The following ACOT11 variants were observed in gnomAD, a reference collection of about 807,000 sequenced individuals.
ACOT11 encodes the protein acyl-CoA thioesterase 11.
ACOT11 carries 69 observed loss-of-function variants against 77.5 expected under a neutral mutation model. That is an observed-to-expected ratio of 0.89 (90% CI 0.73 to 1.09). The LOEUF (loss-of-function observed/expected upper bound fraction) is 1.09. Among genes scored for constraint, ACOT11 ranks in the 50% least tolerant of loss-of-function variants. ACOT11 has a pLI of 0.00. For missense variants in ACOT11, 766 were observed against 813.7 expected, an observed-to-expected ratio of 0.94 and a Z score of 0.71; for synonymous variants, 279 against 313.0, an observed-to-expected ratio of 0.89 and a Z score of 1.15.
intron 1 of ACOT11, among the ~76,000 whole-genome samples, chr1:54,575,890 A>C (rs1436382589): frequency 6.6e-6 from 1 of 152,222 alleles, no homozygotes; most frequent in African/African-American, 2.4e-5. Context: ...AAAGAAAGCC[A>C]GTGTGACTGG....
At chr1:54,603,366 A>G (rs1012375761) in intron 10 of ACOT11, among the ~76,000 whole-genome samples, 10 of 152,204 alleles carry the variant, frequency 6.6e-5, no homozygotes, top group Admixed American at 6.5e-5. Context: ...ATAAATAAAT[A>G]AAAATGAAGC....
chr1:54,559,935 T>C (rs147274009), intron 1 of ACOT11, among the ~76,000 whole-genome samples: 4 of 152,368 alleles, frequency 2.6e-5, no homozygotes, highest in Admixed American at 6.5e-5. Context: ...CTCTGCCTTA[T>C]GCCTGCTCTG....
intron 4 of ACOT11, 120 bp from the exon 5 acceptor site, chr1:54,593,821 G>A: frequency 1.2e-6 from 1 of 800,996 alleles, no homozygotes; most frequent in Admixed American, 2.3e-5. Context: ...CTGGTAGGTG[G>A]TGCAGAAACT....
chr1:54,619,043 C>G (rs1254322782), intron 15 of ACOT11, among the ~76,000 whole-genome samples: 1 of 152,074 alleles, frequency 6.6e-6, no homozygotes, highest in African/African-American at 2.4e-5. Flanking sequence ...GTCATTCTAC[C>G]AGCCCTCAGA....
chr1:54,548,394 G>A (rs778444877), intron 1 of ACOT11, 52 bp downstream of exon 1: 2 of 1,565,174 alleles, frequency 1.3e-6, no homozygotes, highest in African/African-American at 1.3e-5. Flanking sequence ...TGGGCACCCA[G>A]AAAGAGATTG....
chr1:54,601,215 G>T, intron 8 of ACOT11, 54 bp from the exon 9 acceptor site: 1 of 1,579,676 alleles, frequency 6.3e-7, no homozygotes, highest in Non-Finnish European at 8.6e-7. Context: ...TGGGGAGGAG[G>T]CATGGCCCTT....
chr1:54,598,647 G>A (rs773651519), intron 7 of ACOT11: 2 of 152,094 alleles, frequency 1.3e-5, no homozygotes, highest in Non-Finnish European at 2.9e-5. Context: ...TTCAAGACCA[G>A]CCTGGGAACA....
Position 54,620,153 on chromosome 1 carries a change from C to T in ACOT11, c.1630-10581C>T, listed in dbSNP as rs868766563. 44 of 858,660 alleles carry T rather than the reference C, an allele frequency of 5.1e-5. No homozygotes were observed. In the Middle Eastern group the frequency reaches 1.0e-3, roughly 20 times the overall value. 53.2% of individuals were successfully genotyped at this position (858,660 alleles called of 1,614,324 possible). The stretch of plus-strand genomic sequence containing the variant: ...ACGGTGAGGCTCAGACTCACTGGTG[C>T]TACAATAGAGGGAAATGAATGGGCT... On this transcript the variant is annotated intron_variant, in intron 15 of 16. Coordinates refer to the ACOT11 transcript ENST00000371316.
chr1:54,628,236 T>G (rs1644282158), intron 15 of ACOT11: 2 of 134,130 alleles, frequency 1.5e-5, no homozygotes, highest in African/African-American at 2.5e-5. Context: ...AGTGTGTGCC[T>G]CAGGCTGTGT....
At position 54,548,388 on chromosome 1, in the gene ACOT11, C is replaced by T. The variant is rs886504939; in HGVS notation, c.33+46C>T. On this transcript the variant is annotated intron_variant, in intron 1 of 15. Transcript: ENST00000343744. The stretch of plus-strand genomic sequence containing the variant: ...CAGCGGGAGGGCTCTGGAAGCTGGG[C>T]ACCCAGAAAGAGATTGATGTTTCCA... The T allele has an allele frequency of 3.8e-6, 6 of 1,576,544 alleles. No individual in the cohort carries two copies. The Admixed American group carries it at 7.3e-5, about 19-fold the overall frequency.
downstream of ACOT11, chr1:54,611,548 C>G: frequency 1.9e-6 from 3 of 1,581,752 alleles, no homozygotes; most frequent in South Asian, 1.1e-5. Flanking sequence ...CAGTGCCCAC[C>G]AGGTGCTGCT....
At chr1:54,579,092 T>A (rs1338886735) in intron 1 of ACOT11, among the ~76,000 whole-genome samples, 1 of 152,230 alleles carries the variant, frequency 6.6e-6, no homozygotes, top group Non-Finnish European at 1.5e-5. Context: ...TCTTCTAGAA[T>A]GAAGATATGA....
intron 15 of ACOT11, among the ~76,000 whole-genome samples, chr1:54,624,530 G>A (rs2101029589): frequency 6.6e-6 from 1 of 152,272 alleles, no homozygotes; most frequent in African/African-American, 2.4e-5. Context: ...ATCATTTTCT[G>A]GCCAAAGCAA....
At chr1:54,564,065 CAAAA>C (rs1229856632) in intron 1 of ACOT11, among the ~76,000 whole-genome samples, 1 of 120,368 alleles carries the variant, frequency 8.3e-6, no homozygotes, top group Non-Finnish European at 1.8e-5. Context: ...AACTCCATCT[CAAAA>C]AAAAAAAAAA....
chr1:54,548,354 G>T lies in ACOT11; in HGVS notation c.33+12G>T. On this transcript the variant is annotated intron_variant, in intron 1 of 15. Coordinates refer to ENST00000343744, the MANE Select transcript of ACOT11 (RefSeq NM_147161.4). ...ATCACCTGCGACGGGTATGGAGGGT[G>T]GGCTGGGGCAGCGGGAGGGCTCTGG... The T allele has an allele frequency of 6.2e-7, 1 of 1,600,444 alleles. No homozygotes were observed. Among genetic ancestry groups the T allele is most frequent in the Non-Finnish European group, 8.5e-7 (1 of 1,173,866 alleles).
intron 1 of ACOT11, among the ~76,000 whole-genome samples, chr1:54,579,297 C>T (rs1217085466): frequency 2.6e-5 from 4 of 152,162 alleles, no homozygotes; most frequent in African/African-American, 9.7e-5. Flanking sequence ...CATCTGGATT[C>T]CTAACAATCC....
Position 54,602,741 on chromosome 1 carries a change from T to A in ACOT11, c.1085+17T>A. ...CCTGGACAGGTGAGTAGGGGCTGAGTGGTGGGCAGAATGTGGATTCGGGGC... is the reference window on the plus strand; with the variant it reads ...CCTGGACAGGTGAGTAGGGGCTGAGAGGTGGGCAGAATGTGGATTCGGGGC... On this transcript the variant is annotated intron_variant, in intron 10 of 15. Coordinates refer to ENST00000343744, the MANE Select transcript of ACOT11 (RefSeq NM_147161.4). 1.3e-6 allele frequency: 2 copies of A among 1,521,314 alleles called. No individual in the cohort carries two copies. Among genetic ancestry groups the A allele is most frequent in the African/African-American group, 1.4e-5 (1 of 70,954 alleles). The allele number at this position is 1,521,314 out of a possible 1,614,324, so 94.2% of individuals were successfully genotyped here. A position where few individuals can be genotyped will look rare whatever the true frequency, so the allele number is the denominator to read the frequency against.
At chr1:54,549,156 CTT>C (rs1437470743) in intron 1 of ACOT11, among the ~76,000 whole-genome samples, 1 of 152,210 alleles carries the variant, frequency 6.6e-6, no homozygotes, top group African/African-American at 2.4e-5. Context: ...CCCTGTGCAT[CTT>C]GTCTCCCCTG....
chr1:54,561,744 C>G (rs1262132584), intron 1 of ACOT11, among the ~76,000 whole-genome samples: 1 of 111,464 alleles, frequency 9.0e-6, no homozygotes. Flanking sequence ...TGACCCCCCC[C>G]ACCTCCCTCC....
Sources: gnomAD v4.1 joint callset for allele counts (sites outside exome capture counted in the v4.1 genomes callset) on GRCh38, gnomAD v4.1.1 for gene constraint, MANE v1.5 for transcripts, NCBI Gene and HGNC (gene_info 2026-07-23, HGNC 2026-07-21) for gene names.